EDARADD: variants seen among roughly 807,000 people sequenced by gnomAD.
EDARADD encodes ectodysplasin-A receptor-associated adapter protein.
A neutral mutation model predicts 25.6 loss-of-function variants in EDARADD; 20 were observed. That is an observed-to-expected ratio of 0.78 (90% CI 0.55 to 1.14). The LOEUF (loss-of-function observed/expected upper bound fraction) is 1.14, where lower values mean the gene tolerates loss of function less well. EDARADD is among the 50% of genes most tolerant of loss of function. The probability of loss-of-function intolerance (pLI) is 0.00; values close to 1 mark genes in which losing one functional copy is unlikely to be tolerated. For synonymous variants in EDARADD, 86 were observed against 94.4 expected (o/e 0.91, Z 0.52); for missense variants, 225 against 270.1 (o/e 0.83, Z 1.17).
intron 3 of EDARADD, among the ~76,000 whole-genome samples, chr1:236,352,525 C>G (rs1666928256): frequency 1.3e-5 from 2 of 152,118 alleles, no homozygotes; most frequent in South Asian, 4.2e-4. Context: ...GGCAACAAAG[C>G]AAGAACCCCA....
At chr1:236,392,680 A>C (rs979656807), upstream of EDARADD, among the ~76,000 whole-genome samples, 1 of 144,312 alleles carries the variant, frequency 6.9e-6, no homozygotes, top group Non-Finnish European at 1.5e-5. Context: ...TTATTTATTT[A>C]TTTATTTTGA....
chr1:236,403,819 G>T (rs112301249), intron 1 of EDARADD, among the ~76,000 whole-genome samples: 12 of 152,164 alleles, frequency 7.9e-5, no homozygotes. Context: ...AGGTGCCCTC[G>T]CCAGCCCTGA....
At chr1:236,480,770 T>C (rs551330284) in intron 5 of EDARADD, among the ~76,000 whole-genome samples, 2 of 152,366 alleles carry the variant, frequency 1.3e-5, no homozygotes, top group African/African-American at 4.8e-5. Context: ...CTTAATACTT[T>C]ATTGCAAATG....
At chr1:236,441,914 T>C (rs191045593) in intron 4 of EDARADD, among the ~76,000 whole-genome samples, 26 of 152,268 alleles carry the variant, frequency 1.7e-4, no homozygotes, top group Admixed American at 4.6e-4. Context: ...GGTTGGTTCA[T>C]GAGCTTAAGG....
intron 4 of EDARADD, among the ~76,000 whole-genome samples, chr1:236,438,996 A>G (rs202186920): frequency 1.3e-5 from 2 of 152,252 alleles, no homozygotes; most frequent in East Asian, 3.9e-4. Flanking sequence ...TCTGAGCTCC[A>G]CCCATTCATC....
At chr1:236,385,492 G>T (rs1219421810) in intron 3 of EDARADD, among the ~76,000 whole-genome samples, 1 of 151,412 alleles carries the variant, frequency 6.6e-6, no homozygotes, top group Non-Finnish European at 1.5e-5. Flanking sequence ...GGGAGGCTGA[G>T]GTGGGCAGAT....
rs556708795 is a variant in EDARADD, at chr1:236,360,296, GACAACAGAGCT to G, written c.-6+9459_-6+9469del. 1.4e-4 allele frequency among the ~76,000 whole-genome samples: 22 copies of G among 152,106 alleles called. No homozygotes were observed. In the South Asian group the frequency reaches 4.4e-3, roughly 30 times the overall value. ...GATTGAGCCATTGCACTCCAGCCTG[GACAACAGAGCT>G]AGATCCTGTCTTAAAAAAAAAAAGA... On this transcript the variant is annotated intron_variant, in intron 3 of 7. Coordinates refer to the EDARADD transcript ENST00000439430.
intron 4 of EDARADD, among the ~76,000 whole-genome samples, chr1:236,435,557 G>A (rs1658228001): frequency 6.6e-6 from 1 of 152,212 alleles, no homozygotes; most frequent in Non-Finnish European, 1.5e-5. Flanking sequence ...GTGGTCAAGA[G>A]GGAGACCTAC....
rs1667502452 is a variant in EDARADD, at chr1:236,395,667, G to A, written c.61+1162G>A. On this transcript the variant is annotated intron_variant, in intron 1 of 5. Transcript: ENST00000334232. This position sits in a 1 kb window ranked among gnomAD's most constrained non-coding sequence, Gnocchi z 6.9. ...GACGACCCTCTGCGCGCAGGTAAAGGGACACAGCGCCGCGCCCGCTCCTGG... is the reference window on the plus strand; with the variant it reads ...GACGACCCTCTGCGCGCAGGTAAAGAGACACAGCGCCGCGCCCGCTCCTGG... 1 of 1,571,228 alleles carries A rather than the reference G, an allele frequency of 6.4e-7. No homozygotes were observed. The highest frequency in any genetic ancestry group is 8.6e-7 in the Non-Finnish European group (1 of 1,161,782).
rs1234390569 is a variant in EDARADD, at chr1:236,483,974, C to T, written c.*1325C>T. The T allele has an allele frequency of 6.6e-6, 9 of 1,365,356 alleles. No homozygotes were observed. In the South Asian group the frequency reaches 7.0e-5, roughly 11 times the overall value. 84.6% of individuals were successfully genotyped at this position (1,365,356 alleles called of 1,614,324 possible). On this transcript the variant is annotated 3_prime_UTR_variant, in exon 6 of 6. Coordinates refer to ENST00000334232, the MANE Select transcript of EDARADD (RefSeq NM_145861.4). ...AGTTTCTCGACGACCCCACCAGGTA[C>T]ATCTCACCTGACTGTCTGGCTGACC... is the stretch of plus-strand genomic sequence containing the variant.
At chr1:236,431,265 C>T (rs567540333) in intron 4 of EDARADD, among the ~76,000 whole-genome samples, 4 of 151,880 alleles carry the variant, frequency 2.6e-5, no homozygotes, top group Non-Finnish European at 5.9e-5. Context: ...CGAGTGATGC[C>T]GAGGAAAAAC....
intron 4 of EDARADD, among the ~76,000 whole-genome samples, chr1:236,466,546 A>G (rs917154766): frequency 6.6e-6 from 1 of 152,172 alleles, no homozygotes; most frequent in Non-Finnish European, 1.5e-5. Context: ...GAATTATGGT[A>G]AGCAGGTTGG....
chr1:236,466,526 G>A (rs562956004), intron 4 of EDARADD, among the ~76,000 whole-genome samples: 1 of 152,114 alleles, frequency 6.6e-6, no homozygotes, highest in African/African-American at 2.4e-5. Flanking sequence ...TAAATGAAAA[G>A]AAATTGTATG....
intron 3 of EDARADD, among the ~76,000 whole-genome samples, chr1:236,378,963 G>A (rs1046771508): frequency 2.0e-4 from 30 of 152,024 alleles, no homozygotes; most frequent in African/African-American, 7.3e-4. Context: ...TGTGGAGAGG[G>A]GATGAGGAGA....
chr1:236,482,059 G>A (rs1406105419), intron 5 of EDARADD, among the ~76,000 whole-genome samples: 6 of 148,866 alleles, frequency 4.0e-5, no homozygotes, highest in Non-Finnish European at 5.9e-5. Flanking sequence ...AGCTTGCAGT[G>A]AGCCGAGATA....
chr1:236,391,967 C>CCA (rs1313627657), upstream of EDARADD, among the ~76,000 whole-genome samples: 7 of 152,298 alleles, frequency 4.6e-5, no homozygotes, highest in South Asian at 1.0e-3. Context: ...GTGCCTCCTT[C>CCA]CACACACACA....
chr1:236,433,231 CCTTT>C (rs1658154150), intron 4 of EDARADD, among the ~76,000 whole-genome samples: 1 of 151,578 alleles, frequency 6.6e-6, no homozygotes, highest in Non-Finnish European at 1.5e-5. Context: ...TCGTTGTATT[CCTTT>C]GTACATTTTT....
chr1:236,356,247 T>G (rs1315449061), intron 3 of EDARADD, among the ~76,000 whole-genome samples: 1 of 152,084 alleles, frequency 6.6e-6, no homozygotes, highest in East Asian at 1.9e-4. Context: ...GAATTCTGGA[T>G]GAAGGTTATG....
intron 3 of EDARADD, among the ~76,000 whole-genome samples, chr1:236,363,033 A>ATATATATATATATATAT (rs1558100919): frequency 2.5e-5 from 3 of 117,662 alleles, no homozygotes; most frequent in Non-Finnish European, 3.4e-5. Context: ...ATATATATAT[A>ATATATATATATATATAT]AAATTTGTGT....
Sources: allele counts gnomAD v4.1 joint callset (sites outside exome capture counted in the v4.1 genomes callset), GRCh38; gene constraint gnomAD v4.1.1; non-coding constraint Gnocchi (gnomAD v3.1); transcripts MANE v1.5; gene names NCBI Gene and HGNC (gene_info 2026-07-23, HGNC 2026-07-21).